DNAH1: variants seen among roughly 807,000 people sequenced by gnomAD.
DNAH1 encodes axonemal beta dynein heavy chain 1.
A neutral mutation model predicts 484.3 loss-of-function variants in DNAH1; 327 were observed. The ratio of observed to expected loss-of-function variants is 0.68; its 90% confidence interval spans 0.62 to 0.74. The LOEUF (loss-of-function observed/expected upper bound fraction) is 0.74, where lower values mean the gene tolerates loss of function less well. Ranked by LOEUF, DNAH1 falls within the 30% of genes least tolerant of loss-of-function variation. DNAH1 has a pLI of 0.00. For missense variants in DNAH1, 5,052 were observed against 5,546.8 expected, an observed-to-expected ratio of 0.91 and a Z score of 2.83; for synonymous variants, 2,192 against 2,191.9, an observed-to-expected ratio of 1.00 and a Z score of 0.00.
intron 46 of DNAH1, among the ~76,000 whole-genome samples, chr3:52,377,301 C>G (rs1044563609): frequency 3.3e-5 from 5 of 152,056 alleles, no homozygotes; most frequent in Non-Finnish European, 7.4e-5. Context: ...CTCCATCCCC[C>G]CTTCCCTCAC....
At position 52,322,630 on chromosome 3, in the gene DNAH1, C is replaced by T. The variant is rs1701189202; in HGVS notation, c.188C>T (p.Pro63Leu). The T allele has an allele frequency of 1.9e-6, 3 of 1,613,802 alleles. No individual in the cohort carries two copies. Among genetic ancestry groups the T allele is most frequent in the East Asian group, 2.2e-5 (1 of 44,852 alleles). The change falls in exon 2 of 78, where the codon CCC becomes CTC. Residue 63 changes from proline to leucine, a missense_variant. Pro to Leu is a moderately conservative substitution (Grantham distance 98). Transcript: ENST00000420323. ...CTTGACCCCAAGCTCCCACATTTACCCCTGCCCCCGGCCCCACCCACACTC... is the reference window on the plus strand; with the variant it reads ...CTTGACCCCAAGCTCCCACATTTACTCCTGCCCCCGGCCCCACCCACACTC... ...PALDPKLPHL[P>L]LPPAPPTLSD...
chr3:52,392,727 G>A (rs1275462777), intron 64 of DNAH1, 38 bp downstream of exon 64: 41 of 1,559,408 alleles, frequency 2.6e-5, no homozygotes, highest in Non-Finnish European at 3.5e-5. Context: ...CCCCGGGAGT[G>A]CCCCGGGCCT....
intron 26 of DNAH1, 27 bp from the exon 27 acceptor site, chr3:52,359,889 G>A (rs760032378): frequency 1.2e-6 from 2 of 1,612,506 alleles, no homozygotes; most frequent in South Asian, 1.1e-5. Context: ...GTACCCTGAT[G>A]TTTGACAGTG....
At position 52,368,704 on chromosome 3, in the gene DNAH1, C is replaced by T. The variant is rs765082945; in HGVS notation, c.5766-37C>T. On this transcript the variant is annotated intron_variant, in intron 36 of 77. Coordinates refer to ENST00000420323, the MANE Select transcript of DNAH1 (RefSeq NM_015512.5). The surrounding 1 kb of genome is among the most constrained non-coding windows in gnomAD (Gnocchi z 4.4). ...CCAGCTGTGCTCGAAGCACCGCCTC[C>T]CTGATGTTTCCAGCCCTCTCCTCCC... 3 of 1,595,168 alleles carry T rather than the reference C, an allele frequency of 1.9e-6. No individual in the cohort carries two copies. Among genetic ancestry groups the T allele is most frequent in the Non-Finnish European group, 2.6e-6 (3 of 1,166,878 alleles).
chr3:52,384,880 G>T lies in DNAH1; in HGVS notation c.8417G>T (p.Ser2806Ile), dbSNP rs367737396. ...CGCCACAACTATGTGACCCCCAAGA[G>T]CTACTTGGAGCTGCTTCATATTTTC... Reference protein sequence around the residue: ...LTRHNYVTPKSYLELLHIFSI... With the variant: ...LTRHNYVTPKIYLELLHIFSI... Residue 2806 changes from serine (S) to isoleucine (I), a missense_variant, in exon 53 of 78, where the codon AGC (serine) becomes ATC (isoleucine). Physicochemically the swap from Ser to Ile is moderately radical, Grantham distance 142 (BLOSUM62 -2). This residue lies in a region of DNAH1 where 2,929 missense variants were observed against 3,409.4 expected (regional missense o/e 0.86). Transcript: ENST00000420323. 1 of 1,613,390 alleles carries T rather than the reference G, an allele frequency of 6.2e-7. No individual in the cohort carries two copies.
rs754098600 is a variant in DNAH1 at position 52,353,261 on chromosome 3, G to T, written c.3186G>T (p.Lys1062Asn). 1.9e-6 allele frequency: 3 copies of T among 1,613,860 alleles called. No individual in the cohort carries two copies. The Admixed American group carries it at 5.0e-5, about 27-fold the overall frequency. The change falls in exon 19 of 78, where the codon AAG becomes AAT. Residue 1062 changes from lysine (K) to asparagine (N), a missense_variant. By Grantham distance (94) the Lys-to-Asn change is moderately conservative. Transcript: ENST00000420323. This position sits in a 1 kb window ranked among gnomAD's most constrained non-coding sequence, Gnocchi z 5.0. ...AGAAGAACGTGGTTGAAGCCTTCAA[G>T]ACCATGCACAAGTGCGTGAAGCAGT... The part of the protein sequence containing the change: ...QLEKNVVEAF[K>N]TMHKCVKQFK...
rs1407074051 is a variant in DNAH1 at position 52,316,412 on chromosome 3, C to T, written c.-168C>T. ...TTGTCCCTTCTAAGAGCTGTGGACA[C>T]CTTGCCTCCAGTTCCCCTCACAGTC... On this transcript the variant is annotated 5_prime_UTR_variant, in exon 1 of 78. Coordinates refer to ENST00000420323, the MANE Select transcript of DNAH1 (RefSeq NM_015512.5). The T allele has an allele frequency of 1.3e-5, 2 of 152,344 alleles. No homozygotes were observed. The highest frequency in any genetic ancestry group is 4.8e-5 in the African/African-American group (2 of 41,460). The allele number at this position is 152,344 out of a possible 1,614,324, so 9.4% of individuals were successfully genotyped here. A position where few individuals can be genotyped will look rare whatever the true frequency, so the allele number is the denominator to read the frequency against.
chr3:52,363,241 C>T (rs1032705345), intron 32 of DNAH1, 97 bp downstream of exon 32: 5 of 1,489,820 alleles, frequency 3.4e-6, no homozygotes, highest in East Asian at 2.3e-5. Flanking sequence ...ATGCCCGGTG[C>T]TTTACAGGCA....
Position 52,381,482 on chromosome 3 carries a change from G to A in DNAH1, c.7609-158G>A, listed in dbSNP as rs549923167. On this transcript the variant is annotated intron_variant, in intron 48 of 77. Transcript: ENST00000420323. The surrounding 1 kb of genome is among the most constrained non-coding windows in gnomAD (Gnocchi z 4.1). ...GTCTGGGAATGTTCAGCTTGGGCTC[G>A]AGCCTGCAGGGGAAACATGCAGCTG... Among the ~76,000 whole-genome samples the A allele has an allele frequency of 2.0e-5, 3 of 152,112 alleles. No homozygotes were observed. Among genetic ancestry groups the A allele is most frequent in the East Asian group, 3.9e-4 (2 of 5,168 alleles).
upstream of DNAH1, among the ~76,000 whole-genome samples, chr3:52,314,349 C>T (rs992973919): frequency 6.6e-6 from 1 of 152,174 alleles, no homozygotes; most frequent in Non-Finnish European, 1.5e-5. Context: ...GGCATCCCCC[C>T]CTTGGGCCGC....
rs770660556 is a variant in DNAH1 at position 52,396,710 on chromosome 3, C to A, written c.11523C>A (p.Ile3841=). Residue 3841 remains isoleucine (I), a synonymous_variant, in exon 72 of 78, where the codon ATC becomes ATA. Transcript: ENST00000420323. The stretch of plus-strand genomic sequence containing the variant: ...AGTTTGGGCCCCTGGGCTTCAACAT[C>A]CCCTATGAGTTCACGGATGGAGATC... ...RRKFGPLGFN[I]PYEFTDGDLR... The A allele has an allele frequency of 3.7e-6, 6 of 1,613,824 alleles. No homozygotes were observed. Among genetic ancestry groups the A allele is most frequent in the Non-Finnish European group, 5.1e-6 (6 of 1,179,894 alleles).
chr3:52,392,038 G>A (rs1704413186), intron 63 of DNAH1, among the ~76,000 whole-genome samples: 1 of 152,180 alleles, frequency 6.6e-6, no homozygotes, highest in Non-Finnish European at 1.5e-5. Flanking sequence ...GTTTTCGCTG[G>A]CCATCCATAC....
At position 52,380,130 on chromosome 3, in the gene DNAH1, A is replaced by G. The variant is rs893039966; in HGVS notation, c.7603A>G (p.Ser2535Gly). The G allele has an allele frequency of 6.3e-7, 1 of 1,589,688 alleles. No homozygotes were observed. Among genetic ancestry groups the G allele is most frequent in the Non-Finnish European group, 8.6e-7 (1 of 1,168,042 alleles). ...VKSYELITSE[S>G]KMMQVIEEYI... Reference sequence around the variant, plus strand: ...GTCCTACGAGCTCATCACCAGTGAGAGTAAGGTGAGGGGCCCAGGCAGGCG... The same window carrying G: ...GTCCTACGAGCTCATCACCAGTGAGGGTAAGGTGAGGGGCCCAGGCAGGCG... Residue 2535 changes from serine to glycine, a missense_variant, in exon 48 of 78, where the codon AGT becomes GGT. Coordinates refer to ENST00000420323, the MANE Select transcript of DNAH1 (RefSeq NM_015512.5).
intron 21 of DNAH1, among the ~76,000 whole-genome samples, chr3:52,356,299 C>T (rs189818626): frequency 2.0e-5 from 3 of 152,314 alleles, no homozygotes; most frequent in Admixed American, 1.3e-4. Context: ...CCGAGTGTTT[C>T]CTGTCACTGC....
At chr3:52,396,141 G>A (rs1559574717) in intron 70 of DNAH1, among the ~76,000 whole-genome samples, 1 of 152,000 alleles carries the variant, frequency 6.6e-6, no homozygotes, top group Non-Finnish European at 1.5e-5. Context: ...CACCATGTTG[G>A]CCAGGCTGTT....
In DNAH1 at chr3:52,371,831, T is replaced by C. The variant is rs1703351915; in HGVS notation, c.6526-115T>C. 1.4e-6 allele frequency: 2 copies of C among 1,481,182 alleles called. 1 individual carries two copies. The highest frequency in any genetic ancestry group is 2.8e-5 in the African/African-American group (2 of 71,764). The allele number at this position is 1,481,182 out of a possible 1,614,324, so 91.8% of individuals were successfully genotyped here. On this transcript the variant is annotated intron_variant, in intron 41 of 77. Coordinates refer to ENST00000420323, the MANE Select transcript of DNAH1 (RefSeq NM_015512.5). ...GAAGCAGCCCTGCACCTGGACCCGC[T>C]TGCCAAAGCCCAGCCGTGCAGCTCC...
At chr3:52,372,773 A>C in intron 43 of DNAH1, 123 bp from the exon 44 acceptor site, 3 of 1,323,556 alleles carry the variant, frequency 2.3e-6, no homozygotes, top group Admixed American at 4.8e-5. Context: ...GGCATCTAGC[A>C]ATTTGGAGGA....
chr3:52,365,927 G>A (rs1375888821), intron 34 of DNAH1, among the ~76,000 whole-genome samples: 5 of 152,174 alleles, frequency 3.3e-5, no homozygotes, highest in African/African-American at 1.2e-4. Context: ...GGCTAATTGG[G>A]CCCTATTTGG....
intron 50 of DNAH1, 85 bp from the exon 51 acceptor site, chr3:52,383,301 G>C (rs1457477323): frequency 4.9e-6 from 6 of 1,217,734 alleles, no homozygotes; most frequent in Non-Finnish European, 7.1e-6. Context: ...CTGTCAAATG[G>C]AGCTGTTGTG....
Sources: allele counts gnomAD v4.1 joint callset (sites outside exome capture counted in the v4.1 genomes callset), GRCh38; gene constraint gnomAD v4.1.1; regional missense constraint gnomAD v4.1.1; non-coding constraint Gnocchi (gnomAD v3.1); transcripts MANE v1.5; gene names NCBI Gene and HGNC (gene_info 2026-07-23, HGNC 2026-07-21).